Variants in OSBPL10 observed in about 807,000 individuals in gnomAD.
OSBPL10 encodes oxysterol binding protein like 10.
Under a neutral mutation model 81.7 loss-of-function variants are expected in OSBPL10, and 49 were observed. That is an observed-to-expected ratio of 0.60 (90% CI 0.48 to 0.76). The LOEUF is 0.76. Ranked by LOEUF, OSBPL10 falls within the 30% of genes least tolerant of loss-of-function variation. The pLI is 0.00. For missense variants in OSBPL10, 923 were observed against 987.8 expected (o/e 0.93, Z 0.88); for synonymous variants, 419 against 383.6 (o/e 1.09, Z -1.08).
chr3:31,996,611 CTG>C (rs1415659599), intron 2 of OSBPL10, among the ~76,000 whole-genome samples: 1 of 152,160 alleles, frequency 6.6e-6, no homozygotes, highest in African/African-American at 2.4e-5. Context: ...TAATACATCT[CTG>C]TACTCCCAGT....
At chr3:31,751,161 C>A (rs1313273373) in intron 4 of OSBPL10, among the ~76,000 whole-genome samples, 1 of 151,692 alleles carries the variant, frequency 6.6e-6, no homozygotes, top group Non-Finnish European at 1.5e-5. Context: ...ACAACAAAAA[C>A]AAACAAACAA....
At chr3:31,932,147 T>A (rs1697267988) in intron 1 of OSBPL10, among the ~76,000 whole-genome samples, 1 of 152,122 alleles carries the variant, frequency 6.6e-6, no homozygotes, top group Non-Finnish European at 1.5e-5. Flanking sequence ...ATGAAAAACA[T>A]GGTCTCTCAT....
At chr3:31,961,613 T>C (rs975913751) in intron 1 of OSBPL10, among the ~76,000 whole-genome samples, 1 of 152,132 alleles carries the variant, frequency 6.6e-6, no homozygotes, top group Admixed American at 6.6e-5. Context: ...ATTTATTTAT[T>C]TTTTAGAGAC....
intron 2 of OSBPL10, among the ~76,000 whole-genome samples, chr3:32,036,754 T>G (rs561528522): frequency 6.6e-6 from 1 of 151,574 alleles, no homozygotes; most frequent in Non-Finnish European, 1.5e-5. Flanking sequence ...GCCCAGGAGT[T>G]TGAGGCTGCA....
chr3:31,885,410 C>G (rs1689169722), intron 1 of OSBPL10, among the ~76,000 whole-genome samples: 1 of 152,158 alleles, frequency 6.6e-6, no homozygotes, highest in South Asian at 2.1e-4. Flanking sequence ...CATATTCACA[C>G]TCACCTGCAC....
intron 1 of OSBPL10, among the ~76,000 whole-genome samples, chr3:31,939,169 G>C (rs141197274): frequency 2.2e-4 from 27 of 125,216 alleles, no homozygotes; most frequent in African/African-American, 8.0e-4. Flanking sequence ...TTTTGAGACA[G>C]AGTTTCACTC....
Position 31,944,844 on chromosome 3 carries a change from A to T in OSBPL10, c.281+36055T>A, listed in dbSNP as rs1365031778. Among the ~76,000 whole-genome samples the T allele has an allele frequency of 8.7e-5, 6 of 69,102 alleles. No individual in the cohort carries two copies. In the African/African-American group the frequency reaches 9.1e-4, roughly 11 times the overall value. 45.3% of individuals were successfully genotyped at this position (69,102 alleles called of 152,430 possible). ...AGACCCCCTCTCTTTAAAAAAAAAA[A>T]AAAAAAAAAAAAAAAAAAAAAAAAA... On this transcript the variant is annotated intron_variant, in intron 1 of 11. Coordinates refer to ENST00000396556, the MANE Select transcript of OSBPL10 (RefSeq NM_017784.5).
chr3:31,784,405 G>T (rs1698806296), intron 4 of OSBPL10, among the ~76,000 whole-genome samples: 1 of 150,740 alleles, frequency 6.6e-6, no homozygotes, highest in African/African-American at 2.4e-5. Flanking sequence ...AAGGAAAAAG[G>T]AAAAGGAAAA....
intron 6 of OSBPL10, among the ~76,000 whole-genome samples, chr3:31,716,257 CTTA>C (rs1452139991): frequency 6.6e-6 from 1 of 152,162 alleles, no homozygotes; most frequent in Non-Finnish European, 1.5e-5. Flanking sequence ...ATATACAAAT[CTTA>C]TTGTACAGTT....
chr3:31,846,356 A>G (rs10222499), intron 3 of OSBPL10, among the ~76,000 whole-genome samples: 115,721 of 152,096 alleles, frequency 0.76, 44,224 homozygotes, highest in South Asian at 0.89. Context: ...GGGCGAGGTG[A>G]CTCATGCCTG....
At chr3:31,978,181 A>G (rs573422228) in intron 1 of OSBPL10, among the ~76,000 whole-genome samples, 1 of 152,344 alleles carries the variant, frequency 6.6e-6, no homozygotes, top group South Asian at 2.1e-4. Context: ...ATTGCACAGC[A>G]GCCTGAGAGG....
At chr3:31,953,801 A>G (rs897191631) in intron 1 of OSBPL10, among the ~76,000 whole-genome samples, 7 of 152,352 alleles carry the variant, frequency 4.6e-5, no homozygotes, top group Admixed American at 3.9e-4. Context: ...ACAAGTCACC[A>G]TACGTGAAGA....
At chr3:31,724,405 A>G (rs1696745533) in intron 6 of OSBPL10, among the ~76,000 whole-genome samples, 1 of 152,026 alleles carries the variant, frequency 6.6e-6, no homozygotes, top group Admixed American at 6.6e-5. Context: ...GGAAGGCAAT[A>G]CTGTGAACAC....
intron 1 of OSBPL10, among the ~76,000 whole-genome samples, chr3:31,968,632 G>A (rs1698473295): frequency 6.6e-6 from 1 of 151,978 alleles, no homozygotes; most frequent in South Asian, 2.1e-4. Context: ...CCATAAAAAT[G>A]GCCTATCCTA....
intron 2 of OSBPL10, 51 bp from the exon 3 acceptor site, chr3:31,876,563 C>T (rs1321663989): frequency 6.7e-7 from 1 of 1,491,800 alleles, no homozygotes; most frequent in Admixed American, 1.7e-5. Context: ...TGTTCCAAAA[C>T]ACATCCAACT....
chr3:31,718,591 TTCATA>T (rs1486439751), intron 6 of OSBPL10, among the ~76,000 whole-genome samples: 3 of 152,214 alleles, frequency 2.0e-5, no homozygotes, highest in African/African-American at 7.2e-5. Flanking sequence ...AAACGCATCC[TTCATA>T]TGAGTTTCAA....
intron 4 of OSBPL10, among the ~76,000 whole-genome samples, chr3:31,766,445 T>C (rs1698202958): frequency 1.3e-5 from 2 of 150,752 alleles, no homozygotes; most frequent in African/African-American, 4.9e-5. Flanking sequence ...AGGACTCAGA[T>C]GATCCTCTGA....
Position 31,907,619 on chromosome 3 carries a change from CAAAAAAAAAAAAAAAAA to C in OSBPL10, c.282-27806_282-27790del, listed in dbSNP as rs142840420. On this transcript the variant is annotated intron_variant, in intron 1 of 11. Transcript: ENST00000396556. ...TCCAGCCTGGGTGAGACCTCCATCT[CAAAAAAAAAAAAAAAAA>C]AAAAAAAAAAAAAAATTTAAGTGAT... Among the ~76,000 whole-genome samples the C allele has an allele frequency of 2.5e-3, 159 of 63,884 alleles. 1 individual carries two copies. Among genetic ancestry groups the C allele is most frequent in the Admixed American group, 3.9e-3 (15 of 3,850 alleles). 41.9% of individuals were successfully genotyped at this position (63,884 alleles called of 152,430 possible). A position where few individuals can be genotyped will look rare whatever the true frequency, so the allele number is the denominator to read the frequency against.
At chr3:31,949,873 T>G (rs900112915) in intron 1 of OSBPL10, among the ~76,000 whole-genome samples, 7 of 152,028 alleles carry the variant, frequency 4.6e-5, no homozygotes, top group Non-Finnish European at 7.4e-5. Context: ...TGACCTGAGG[T>G]CCCACCTATG....
Sources: gnomAD v4.1 joint callset for allele counts (sites outside exome capture counted in the v4.1 genomes callset) on GRCh38, gnomAD v4.1.1 for gene constraint, MANE v1.5 for transcripts, NCBI Gene and HGNC (gene_info 2026-07-23, HGNC 2026-07-21) for gene names.